The following CDK13 variants were observed in gnomAD, a reference collection of about 807,000 sequenced individuals.
The protein encoded by CDK13 is cyclin dependent kinase 13.
CDK13 carries 40 observed loss-of-function variants against 137.6 expected under a neutral mutation model. That is an observed-to-expected ratio of 0.29 (90% CI 0.23 to 0.38). The LOEUF (loss-of-function observed/expected upper bound fraction) is 0.38. Among genes scored for constraint, CDK13 ranks in the 10% least tolerant of loss-of-function variants. The probability of loss-of-function intolerance (pLI) is 1.00; values close to 1 mark genes in which losing one functional copy is unlikely to be tolerated. For missense variants in CDK13, 1,704 were observed against 1,951.8 expected (o/e 0.87, Z 2.39); for synonymous variants, 869 against 760.1 (o/e 1.14, Z -2.36).
At chr7:39,961,482 CA>C (rs2116135069) in intron 1 of CDK13, among the ~76,000 whole-genome samples, 1 of 152,242 alleles carries the variant, frequency 6.6e-6, no homozygotes, top group African/African-American at 2.4e-5. Flanking sequence ...GTCTTTTGAT[CA>C]ACATCTCCCT....
At chr7:39,958,548 A>G (rs1235540147) in intron 1 of CDK13, among the ~76,000 whole-genome samples, 4 of 152,188 alleles carry the variant, frequency 2.6e-5, no homozygotes, top group African/African-American at 9.7e-5. Flanking sequence ...TGATTTTTCC[A>G]TAAGCGGGAA....
chr7:40,022,998 T>G (rs1206395755), intron 5 of CDK13, among the ~76,000 whole-genome samples: 1 of 152,086 alleles, frequency 6.6e-6, no homozygotes, highest in African/African-American at 2.4e-5. Context: ...AGTTTTACAG[T>G]CAGAACTGTT....
intron 2 of CDK13, among the ~76,000 whole-genome samples, chr7:39,992,159 T>TGGG: frequency 1.3e-5 from 1 of 77,062 alleles, no homozygotes; most frequent in South Asian, 6.3e-4. Flanking sequence ...AGAGAACTAA[T>TGGG]GAGGGTGTGT....
At chr7:39,990,075 C>T (rs760794030) in intron 2 of CDK13, among the ~76,000 whole-genome samples, 5 of 152,262 alleles carry the variant, frequency 3.3e-5, no homozygotes, top group Admixed American at 2.0e-4. Flanking sequence ...TGAGCCACTG[C>T]GCCCAACCTA....
intron 1 of CDK13, among the ~76,000 whole-genome samples, chr7:39,966,898 G>A (rs1004227324): frequency 2.0e-5 from 3 of 152,090 alleles, no homozygotes; most frequent in Non-Finnish European, 4.4e-5. Context: ...GTTTGCCTGG[G>A]TATCAGCAGC....
At chr7:40,026,414 TAGG>T (rs1785243587) in intron 5 of CDK13, among the ~76,000 whole-genome samples, 1 of 152,108 alleles carries the variant, frequency 6.6e-6, no homozygotes, top group Non-Finnish European at 1.5e-5. Context: ...GGGGCTGAGG[TAGG>T]AGGATCCCTT....
intron 1 of CDK13, among the ~76,000 whole-genome samples, chr7:39,963,544 T>C (rs1783799315): frequency 6.6e-6 from 1 of 152,220 alleles, no homozygotes; most frequent in South Asian, 2.1e-4. Flanking sequence ...TGGGGTTTTC[T>C]AGATATACAA....
At chr7:39,993,787 T>C (rs1204325700) in intron 2 of CDK13, among the ~76,000 whole-genome samples, 1 of 152,074 alleles carries the variant, frequency 6.6e-6, no homozygotes, top group Non-Finnish European at 1.5e-5. Flanking sequence ...TTTGTGTATA[T>C]TTAGGTAATT....
Position 40,088,286 on chromosome 7 carries a change from C to T in CDK13, c.3190C>T (p.Pro1064Ser), listed in dbSNP as rs767986350. The T allele has an allele frequency of 6.2e-7, 1 of 1,613,698 alleles. No homozygotes were observed. Among genetic ancestry groups the T allele is most frequent in the South Asian group, 1.1e-5 (1 of 91,074 alleles). ...AACCAACACACCCCAGGGTGTGCTGCCATCTTCACAGCTGAAATCTCAGGG... is the reference window on the plus strand; with the variant it reads ...AACCAACACACCCCAGGGTGTGCTGTCATCTTCACAGCTGAAATCTCAGGG... Reference protein sequence around the residue: ...SRTNTPQGVLPSSQLKSQGSS... With the variant: ...SRTNTPQGVLSSSQLKSQGSS... Residue 1064 changes from proline to serine, a missense_variant, in exon 12 of 14, where the codon CCA becomes TCA. Pro to Ser is a moderately conservative substitution (Grantham distance 74). Transcript: ENST00000181839.
At chr7:40,007,491 A>G (rs1455551331) in intron 5 of CDK13, among the ~76,000 whole-genome samples, 1 of 152,110 alleles carries the variant, frequency 6.6e-6, no homozygotes, top group Non-Finnish European at 1.5e-5. Flanking sequence ...CAGTGGTATG[A>G]TCTTGGCTCA....
At position 40,092,905 on chromosome 7, in the gene CDK13, A is replaced by G; in HGVS notation, c.3356A>G (p.Asn1119Ser). Residue 1119 changes from asparagine to serine, a missense_variant, in exon 13 of 14, where the codon AAC (asparagine) becomes AGC (serine). Around this residue, in one of 5 missense-constraint regions of CDK13, gnomAD observed 475 missense variants for 579.3 expected, o/e 0.82. Coordinates refer to ENST00000181839, the MANE Select transcript of CDK13 (RefSeq NM_003718.5). The stretch of plus-strand genomic sequence containing the variant: ...GTCCAAGTGTTGAACATTAAGGTAA[A>G]CTCTGAGACTCAACAGCAGCTAAAT... ...DFVQVLNIKV[N>S]SETQQQLNKI... The G allele has an allele frequency of 6.2e-7, 1 of 1,614,164 alleles. No individual in the cohort carries two copies. Among genetic ancestry groups the G allele is most frequent in the Middle Eastern group, 1.6e-4 (1 of 6,062 alleles).
At position 39,987,650 on chromosome 7, in the gene CDK13, A is replaced by G; in HGVS notation, c.1263A>G (p.Arg421=). ...SRSPYSSRHS[R]SRSRHRLSRS... Reference sequence around the variant, plus strand: ...GCCCGTATTCATCTAGGCATTCAAGATCTCGTAGCAGGCACAGATTGTCTA... The same window carrying G: ...GCCCGTATTCATCTAGGCATTCAAGGTCTCGTAGCAGGCACAGATTGTCTA... The change falls in exon 2 of 14, where the codon AGA becomes AGG. Residue 421 remains arginine (R), a synonymous_variant. Transcript: ENST00000181839. 6.2e-7 allele frequency: 1 copy of G among 1,612,260 alleles called. No homozygotes were observed. Among genetic ancestry groups the G allele is most frequent in the Non-Finnish European group, 8.5e-7 (1 of 1,179,522 alleles).
chr7:40,037,955 C>T (rs566228804), intron 5 of CDK13, among the ~76,000 whole-genome samples: 7 of 152,084 alleles, frequency 4.6e-5, no homozygotes, highest in African/African-American at 9.7e-5. Context: ...AACATAAATC[C>T]ACCTAAATGT....
At chr7:40,091,470 G>A (rs1156641013) in intron 12 of CDK13, among the ~76,000 whole-genome samples, 1 of 151,960 alleles carries the variant, frequency 6.6e-6, no homozygotes, top group African/African-American at 2.4e-5. Context: ...TACATATCAT[G>A]CCACTGCACT....
chr7:39,951,462 G>C lies in CDK13; in HGVS notation c.821G>C (p.Arg274Pro), dbSNP rs1436319298. Residue 274 changes from arginine to proline, a missense_variant, in exon 1 of 14, where the codon CGG becomes CCG. Transcript: ENST00000181839. ...AGCAGCAGTAGCAGCCGCAAGGACC[G>C]GGACTCGAAGGCCCACCGCAGCCGG... is the stretch of plus-strand genomic sequence containing the variant. ...TSSSSSSRKD[R>P]DSKAHRSRTK... 2 of 1,538,292 alleles carry C rather than the reference G, an allele frequency of 1.3e-6. No homozygotes were observed. The highest frequency in any genetic ancestry group is 2.4e-5 in the South Asian group (2 of 83,158).
intron 5 of CDK13, chr7:40,002,232 T>G: frequency 1.7e-5 from 7 of 411,666 alleles, no homozygotes; most frequent in East Asian, 4.2e-5. Context: ...AAAGGGTATT[T>G]GCCAATATTA....
intron 12 of CDK13, 91 bp downstream of exon 12, chr7:40,088,422 A>G (rs1786839826): frequency 2.0e-6 from 2 of 1,013,136 alleles, no homozygotes; most frequent in Non-Finnish European, 2.9e-6. Flanking sequence ...TCTTGTGGCT[A>G]ACAATGAAAA....
chr7:39,951,123 G>T lies in CDK13; in HGVS notation c.482G>T (p.Gly161Val), dbSNP rs902803165. Residue 161 changes from glycine (G) to valine (V), a missense_variant, in exon 1 of 14, where the codon GGG (glycine) becomes GTG (valine). Gly to Val is a moderately radical substitution (Grantham distance 109). Around this residue, in one of 5 missense-constraint regions of CDK13, gnomAD observed 1,051 missense variants for 931.0 expected, o/e 1.13. Coordinates refer to ENST00000181839, the MANE Select transcript of CDK13 (RefSeq NM_003718.5). ...TCCGAGCAGGGGCTGCTGCTGGGGG[G>T]GGCCAGCGCGGCAACGGCGGCGACG... The part of the protein sequence containing the change: ...SQSEQGLLLG[G>V]ASAATAATAA... 5.9e-5 allele frequency: 73 copies of T among 1,243,872 alleles called. No individual in the cohort carries two copies. Among genetic ancestry groups the T allele is most frequent in the Admixed American group, 8.4e-5 (2 of 23,694 alleles). 77.1% of individuals were successfully genotyped at this position (1,243,872 alleles called of 1,614,324 possible).
At chr7:40,077,681 C>A (rs1257283499) in intron 9 of CDK13, among the ~76,000 whole-genome samples, 1 of 152,038 alleles carries the variant, frequency 6.6e-6, no homozygotes. Flanking sequence ...ATGGGGAAAT[C>A]CTGTCTCTAC....
Sources: allele counts gnomAD v4.1 joint callset (sites outside exome capture counted in the v4.1 genomes callset), GRCh38; gene constraint gnomAD v4.1.1; regional missense constraint gnomAD v4.1.1; transcripts MANE v1.5; gene names NCBI Gene and HGNC (gene_info 2026-07-23, HGNC 2026-07-21).